The following OGDH variants were observed in gnomAD, a reference collection of about 807,000 sequenced individuals.
OGDH encodes the protein oxoglutarate dehydrogenase.
OGDH carries 38 observed loss-of-function variants against 116.6 expected under a neutral mutation model. The ratio of observed to expected loss-of-function variants is 0.33; its 90% confidence interval spans 0.25 to 0.43. The LOEUF is 0.43. Among genes scored for constraint, OGDH ranks in the 20% least tolerant of loss-of-function variants. The pLI is 1.00. For synonymous variants in OGDH, 488 were observed against 533.3 expected (o/e 0.92, Z 1.17); for missense variants, 825 against 1,357.2 (o/e 0.61, Z 6.16).
chr7:44,636,247 T>C (rs937542579), intron 2 of OGDH, among the ~76,000 whole-genome samples: 1 of 152,192 alleles, frequency 6.6e-6, no homozygotes, highest in Non-Finnish European at 1.5e-5. Context: ...GGGTGTCAGC[T>C]ACTGCTGGGG....
chr7:44,631,249 T>C (rs191417354), intron 2 of OGDH, among the ~76,000 whole-genome samples: 21 of 152,354 alleles, frequency 1.4e-4, no homozygotes, highest in Admixed American at 5.2e-4. Context: ...ATGGTCTACG[T>C]AAATGGGGTT....
intron 2 of OGDH, among the ~76,000 whole-genome samples, chr7:44,636,661 G>C (rs1406669149): frequency 6.6e-6 from 1 of 152,220 alleles, no homozygotes; most frequent in African/African-American, 2.4e-5. Flanking sequence ...TTTGAAGAAA[G>C]AGCACTGGTC....
In OGDH at chr7:44,697,468, A is replaced by G. The variant is rs746780304; in HGVS notation, c.2150A>G (p.Asn717Ser). The change falls in exon 16 of 23, where the codon AAC (asparagine) becomes AGC (serine). Residue 717 changes from asparagine (N) to serine (S), a missense_variant. This residue lies in a region of OGDH where 73 missense variants were observed against 182.3 expected (regional missense o/e 0.40). Transcript: ENST00000222673. The surrounding 1 kb of genome is among the most constrained non-coding windows in gnomAD (Gnocchi z 6.0). The part of the protein sequence containing the change: ...WPNQAPYTVC[N>S]SSLSEYGVLG... ...AATCAGGCCCCCTATACTGTGTGCA[A>G]CAGCTCACTGTCTGAGTACGGCGTG... 2 of 1,614,202 alleles carry G rather than the reference A, an allele frequency of 1.2e-6. No individual in the cohort carries two copies. The highest frequency in any genetic ancestry group is 1.7e-6 in the Non-Finnish European group (2 of 1,180,038).
intron 1 of OGDH, among the ~76,000 whole-genome samples, chr7:44,622,420 T>C (rs1345770058): frequency 6.6e-6 from 1 of 152,186 alleles, no homozygotes; most frequent in Non-Finnish European, 1.5e-5. Context: ...ATATTGCTTG[T>C]TTACCTTTAA....
Position 44,645,222 on chromosome 7 carries a change from C to T in OGDH, c.223-105C>T, listed in dbSNP as rs1264650369. On this transcript the variant is annotated intron_variant, in intron 2 of 22. Transcript: ENST00000222673. Reference sequence around the variant, plus strand: ...CCAGGAGGAAGCAGGCTCAGCCAGCCTATGGTAGACTTGCCTTGCCTGCAG... The same window carrying T: ...CCAGGAGGAAGCAGGCTCAGCCAGCTTATGGTAGACTTGCCTTGCCTGCAG... The T allele has an allele frequency of 2.9e-6, 3 of 1,038,454 alleles. No individual in the cohort carries two copies. The African/African-American group carries it at 4.7e-5, about 16-fold the overall frequency. 64.3% of individuals were successfully genotyped at this position (1,038,454 alleles called of 1,614,324 possible). A position where few individuals can be genotyped will look rare whatever the true frequency, so the allele number is the denominator to read the frequency against.
rs1785124032 is a variant in OGDH, at chr7:44,624,433, A to T, written c.90A>T (p.Ala30=). The T allele has an allele frequency of 6.2e-7, 1 of 1,613,438 alleles. No individual in the cohort carries two copies. Among genetic ancestry groups the T allele is most frequent in the Non-Finnish European group, 8.5e-7 (1 of 1,179,964 alleles). The change falls in exon 2 of 23, where the codon GCA becomes GCT. Residue 30 remains alanine (A), a synonymous_variant. Coordinates refer to ENST00000222673, the MANE Select transcript of OGDH (RefSeq NM_002541.4). ...CATTTTCACAAAACAGACCAGCAGC[A>T]GCTAGGACATTTCAACAGATTCGGT... ...VKTFSQNRPA[A]ARTFQQIRCY...
chr7:44,616,808 C>CAT (rs201946144), intron 1 of OGDH, among the ~76,000 whole-genome samples: 46,304 of 135,772 alleles, frequency 0.34, 8,644 homozygotes, highest in Non-Finnish European at 0.41. Context: ...TATATATATG[C>CAT]ATATATACGT....
Position 44,707,974 on chromosome 7 carries a change from T to TGG in OGDH, c.3048_3049dup (p.Asp1017GlyfsTer24). On this transcript the variant is annotated frameshift_variant, in exon 23 of 23. Coordinates refer to ENST00000222673, the MANE Select transcript of OGDH (RefSeq NM_002541.4). LOFTEE classifies it high-confidence loss of function. This position sits in a 1 kb window ranked among gnomAD's most constrained non-coding sequence, Gnocchi z 5.2. ...CGCCTCCTGGACACGGCCTTCGACCTGGACGTCTTCAAGAACTTCTCGTAG... is the reference window on the plus strand; with the variant it reads ...CGCCTCCTGGACACGGCCTTCGACCTGGGGACGTCTTCAAGAACTTCTCGTAG... 6.2e-7 allele frequency: 1 copy of TGG among 1,613,740 alleles called. No homozygotes were observed. The highest frequency in any genetic ancestry group is 8.5e-7 in the Non-Finnish European group (1 of 1,179,996).
chr7:44,606,997 G>A (rs540751659), intron 1 of OGDH, among the ~76,000 whole-genome samples: 81 of 152,274 alleles, frequency 5.3e-4, no homozygotes, highest in African/African-American at 1.8e-3. Context: ...GGGAGAGGGC[G>A]GTGCGTCCGC....
intron 1 of OGDH, among the ~76,000 whole-genome samples, chr7:44,621,417 A>G (rs1327483930): frequency 6.6e-6 from 1 of 152,180 alleles, no homozygotes; most frequent in African/African-American, 2.4e-5. Context: ...AGAAAGGTGA[A>G]GAATGGGTAT....
chr7:44,614,217 G>C (rs1422854680), intron 1 of OGDH, among the ~76,000 whole-genome samples: 1 of 150,218 alleles, frequency 6.7e-6, no homozygotes, highest in African/African-American at 2.4e-5. Context: ...CTCCCAAAGT[G>C]CTGGGATTAC....
chr7:44,661,800 C>T (rs1364632209), intron 4 of OGDH, among the ~76,000 whole-genome samples: 2 of 152,132 alleles, frequency 1.3e-5, no homozygotes, highest in African/African-American at 2.4e-5. Flanking sequence ...GGCAGGGTTT[C>T]ACCATGTTGG....
chr7:44,685,147 A>C (rs1471837847), intron 10 of OGDH, among the ~76,000 whole-genome samples: 8 of 152,150 alleles, frequency 5.3e-5, no homozygotes, highest in Admixed American at 5.2e-4. Context: ...ACTATTTTTA[A>C]GTGAACAGTT....
At chr7:44,641,937 A>G (rs145985611) in intron 2 of OGDH, among the ~76,000 whole-genome samples, 260 of 152,330 alleles carry the variant, frequency 1.7e-3, no homozygotes, top group African/African-American at 5.8e-3. Context: ...TGATGCTGAG[A>G]CATCCTCTGT....
chr7:44,702,192 C>CTCT (rs1788863562), intron 20 of OGDH, among the ~76,000 whole-genome samples: 1 of 152,202 alleles, frequency 6.6e-6, no homozygotes, highest in African/African-American at 2.4e-5. Flanking sequence ...CTGCAAATGC[C>CTCT]CCCAAGGACT....
chr7:44,664,203 G>A (rs531693935), intron 4 of OGDH, among the ~76,000 whole-genome samples: 2 of 152,300 alleles, frequency 1.3e-5, no homozygotes, highest in Middle Eastern at 3.4e-3. Flanking sequence ...GAAGGGGAGG[G>A]CACCACCTTG....
intron 2 of OGDH, among the ~76,000 whole-genome samples, chr7:44,640,112 C>T (rs1482175934): frequency 6.6e-6 from 1 of 152,130 alleles, no homozygotes; most frequent in Non-Finnish European, 1.5e-5. Context: ...TGACCTTGAC[C>T]CTGACCTTGT....
In OGDH at chr7:44,624,312, TACAG is replaced by T; in HGVS notation, c.-27-4_-27-1del. The T allele has an allele frequency of 8.0e-7, 1 of 1,255,816 alleles. No homozygotes were observed. Among genetic ancestry groups the T allele is most frequent in the Non-Finnish European group, 1.1e-6 (1 of 905,954 alleles). 77.8% of individuals were successfully genotyped at this position (1,255,816 alleles called of 1,614,324 possible). A position where few individuals can be genotyped will look rare whatever the true frequency, so the allele number is the denominator to read the frequency against. On this transcript the variant is annotated splice_acceptor_variant and splice_polypyrimidine_tract_variant and intron_variant, in intron 1 of 22. Transcript: ENST00000222673. LOFTEE classifies it low-confidence loss of function (5UTR_SPLICE). ...TCTTGTTTTTTTTTTTTTTTTTTTG[TACAG>T]GCAGTTGTGAAAAACTTCAGGACAA... is the stretch of plus-strand genomic sequence containing the variant.
chr7:44,683,941 C>G (rs1320074416), intron 10 of OGDH, among the ~76,000 whole-genome samples: 1 of 152,164 alleles, frequency 6.6e-6, no homozygotes, highest in Non-Finnish European at 1.5e-5. Flanking sequence ...GGTGTGCTCC[C>G]TATCATCACA....
Sources: gnomAD v4.1 joint callset for allele counts (sites outside exome capture counted in the v4.1 genomes callset) on GRCh38, gnomAD v4.1.1 for gene constraint, gnomAD v4.1.1 regional missense constraint, Gnocchi (gnomAD v3.1) non-coding constraint, MANE v1.5 for transcripts, NCBI Gene and HGNC (gene_info 2026-07-23, HGNC 2026-07-21) for gene names.